Variants in C8orf74 observed in about 807,000 individuals in gnomAD.
C8orf74 encodes the protein chromosome 8 open reading frame 74.
A neutral mutation model predicts 22.2 loss-of-function variants in C8orf74; 29 were observed. The ratio of observed to expected loss-of-function variants is 1.31; its 90% CI spans 0.97 to 1.78. The LOEUF is 1.78. Ranked by LOEUF, C8orf74 falls within the 40% of genes most tolerant of loss-of-function variation. C8orf74 has a pLI of 0.00. For missense variants in C8orf74, 515 were observed against 369.9 expected (o/e 1.39, Z -3.22); for synonymous variants, 255 against 163.1 (o/e 1.56, Z -4.30).
rs376109964 is a variant in C8orf74 at position 10,674,700 on chromosome 8, G to T, written c.103G>T (p.Glu35Ter). The part of the protein sequence containing the change: ...RRLLNWEEFD[E>*]QRDSRRSILL... ...GCTTCTGAACTGGGAGGAGTTTGAC[G>T]AACAGAGAGACTCCCGGAGGAGCAT... The change falls in exon 2 of 4, where the codon GAA becomes TAA. Residue 35 changes from glutamate to a stop codon, truncating the protein, a stop_gained. Transcript: ENST00000304519. LOFTEE classifies it high-confidence loss of function. 17 of 1,609,494 alleles carry T rather than the reference G, an allele frequency of 1.1e-5. No individual in the cohort carries two copies. The highest frequency in any genetic ancestry group is 1.4e-5 in the Non-Finnish European group (16 of 1,178,016).
At chr8:10,689,306 G>C (rs939974980) in intron 2 of C8orf74, 6 of 152,316 alleles carry the variant, frequency 3.9e-5, no homozygotes, top group African/African-American at 1.2e-4. Context: ...AGAGAAAAAC[G>C]ATTGTACAAG....
At chr8:10,690,942 C>T (rs1348771460) in intron 2 of C8orf74, 1 of 456,246 alleles carries the variant, frequency 2.2e-6, no homozygotes, top group Admixed American at 2.3e-5. Flanking sequence ...GGGCCACTCC[C>T]TGTTATTGAA....
intron 2 of C8orf74, among the ~76,000 whole-genome samples, chr8:10,679,354 A>G (rs1009617698): frequency 3.9e-5 from 6 of 152,166 alleles, no homozygotes; most frequent in African/African-American, 1.4e-4. Context: ...CCCGGACAGC[A>G]GCGGCCTAGG....
chr8:10,694,514 G>C (rs1213946711), intron 2 of C8orf74, among the ~76,000 whole-genome samples: 2 of 152,168 alleles, frequency 1.3e-5, no homozygotes, highest in East Asian at 1.9e-4. Context: ...TCCACATGTT[G>C]CAAGAGAAAA....
chr8:10,679,321 C>T (rs1799098791), intron 2 of C8orf74, among the ~76,000 whole-genome samples: 1 of 152,156 alleles, frequency 6.6e-6, no homozygotes, highest in Admixed American at 6.5e-5. Context: ...CCACCTGGAA[C>T]TTTAGGTCTC....
At chr8:10,698,567 A>T (rs1458890306) in intron 3 of C8orf74, among the ~76,000 whole-genome samples, 1 of 151,988 alleles carries the variant, frequency 6.6e-6, no homozygotes, top group Non-Finnish European at 1.5e-5. Flanking sequence ...GTTCTGCCAG[A>T]CCACTGGGGC....
intron 2 of C8orf74, chr8:10,690,905 G>A: frequency 2.2e-6 from 1 of 456,132 alleles, no homozygotes; most frequent in Non-Finnish European, 4.4e-6. Context: ...CCATCTTCAG[G>A]AAGTTCCCAG....
chr8:10,684,633 AG>A (rs1799222851), intron 2 of C8orf74, among the ~76,000 whole-genome samples: 1 of 152,240 alleles, frequency 6.6e-6, no homozygotes, highest in Non-Finnish European at 1.5e-5. Flanking sequence ...TGCCTGAAAC[AG>A]GGGATGGTAC....
At chr8:10,690,688 C>T (rs1799360084) in intron 2 of C8orf74, among the ~76,000 whole-genome samples, 1 of 152,174 alleles carries the variant, frequency 6.6e-6, no homozygotes, top group Non-Finnish European at 1.5e-5. Flanking sequence ...GCGCATCTCC[C>T]CCCGGCTCGC....
intron 2 of C8orf74, among the ~76,000 whole-genome samples, chr8:10,693,247 T>C (rs1799422346): frequency 1.3e-5 from 2 of 152,188 alleles, no homozygotes; most frequent in South Asian, 2.1e-4. Context: ...GCTCCCCCTC[T>C]TGCCTTGCCC....
chr8:10,691,510 C>T (rs1224868785), intron 2 of C8orf74: 1 of 156,406 alleles, frequency 6.4e-6, no homozygotes, highest in Non-Finnish European at 1.4e-5. Flanking sequence ...AGCAGGGCAC[C>T]TTCTGGCAAG....
intron 2 of C8orf74, among the ~76,000 whole-genome samples, chr8:10,684,961 G>C (rs4840506): frequency 0.88 from 134,636 of 152,234 alleles, 61,567 homozygotes; most frequent in Non-Finnish European, 0.99. Flanking sequence ...CAATGGGAGG[G>C]TAGCATTGAG....
intron 2 of C8orf74, among the ~76,000 whole-genome samples, chr8:10,684,967 T>C (rs1418427598): frequency 6.6e-6 from 1 of 152,158 alleles, no homozygotes; most frequent in African/African-American, 2.4e-5. Context: ...GAGGGTAGCA[T>C]TGAGAGTGGG....
intron 2 of C8orf74, among the ~76,000 whole-genome samples, chr8:10,684,497 T>C (rs28488675): frequency 0.31 from 46,764 of 152,138 alleles, 9,390 homozygotes; most frequent in African/African-American, 0.57. Flanking sequence ...CCAAAAAAGA[T>C]GTCTTTAAAA....
Position 10,700,367 on chromosome 8 carries a change from G to GCCCCCCCCCCCATACCCCCCCCCCAAAC in C8orf74, c.786_787insCCCCCCATACCCCCCCCCCAAACCCCCC (p.Thr263ProfsTer66). The GCCCCCCCCCCCATACCCCCCCCCCAAAC allele has an allele frequency of 1.3e-6, 2 of 1,590,940 alleles. No homozygotes were observed. The highest frequency in any genetic ancestry group is 1.7e-6 in the Non-Finnish European group (2 of 1,159,768). ...TCAGAAGAAGACTCTGAACCTCAAC[G>GCCCCCCCCCCCATACCCCCCCCCCAAAC]CCCCCACCCCTATCCCGCCCCCCAT... On this transcript the variant is annotated frameshift_variant, in exon 4 of 4. Transcript: ENST00000304519. LOFTEE classifies it low-confidence loss of function (END_TRUNC).
At chr8:10,691,811 A>C (rs1799387896) in intron 2 of C8orf74, 1 of 151,966 alleles carries the variant, frequency 6.6e-6, no homozygotes, top group South Asian at 2.1e-4. Flanking sequence ...GATGAAGTCA[A>C]CTCTTTCACA....
At chr8:10,691,581 CCA>C (rs1200284301) in intron 2 of C8orf74, 2 of 152,748 alleles carry the variant, frequency 1.3e-5, no homozygotes, top group Non-Finnish European at 1.5e-5. Context: ...ACACACAGGC[CCA>C]GAGTCCAGCT....
intron 2 of C8orf74, among the ~76,000 whole-genome samples, chr8:10,682,856 T>G (rs1423957430): frequency 6.6e-6 from 1 of 152,234 alleles, no homozygotes; most frequent in Non-Finnish European, 1.5e-5. Flanking sequence ...AGGCCTTGTG[T>G]GTCATGTGCT....
intron 1 of C8orf74, among the ~76,000 whole-genome samples, chr8:10,673,917 G>T (rs1432524907): frequency 3.6e-5 from 5 of 139,336 alleles, no homozygotes; most frequent in Non-Finnish European, 6.2e-5. Context: ...CTGCAACCTC[G>T]ATATCATACC....
Sources: allele counts gnomAD v4.1 joint callset (sites outside exome capture counted in the v4.1 genomes callset), GRCh38; gene constraint gnomAD v4.1.1; transcripts MANE v1.5; gene names NCBI Gene and HGNC (gene_info 2026-07-23, HGNC 2026-07-21).